The following NAV2 variants were observed in gnomAD, a reference collection of about 807,000 sequenced individuals.
NAV2 encodes the protein neuron navigator 2, also known as helicase, APC down-regulated 1.
A neutral mutation model predicts 223.2 loss-of-function variants in NAV2; 54 were observed. The observed-to-expected ratio is 0.24, with a 90% CI of 0.19 to 0.30. The LOEUF (loss-of-function observed/expected upper bound fraction) is 0.30. NAV2 is among the 10% of genes least tolerant of loss of function. The pLI is 1.00. For synonymous variants in NAV2, 1,279 were observed against 1,239.3 expected, an observed-to-expected ratio of 1.03 and a Z score of -0.67; for missense variants, 2,806 against 3,147.5, an observed-to-expected ratio of 0.89 and a Z score of 2.60.
chr11:19,391,152 C>T (rs976353472), intron 1 of NAV2, among the ~76,000 whole-genome samples: 1 of 152,146 alleles, frequency 6.6e-6, no homozygotes, highest in African/African-American at 2.4e-5. Context: ...CTCCTGCTGC[C>T]CCGGTCTCTC....
chr11:19,618,492 A>AGATG (rs72080375), intron 1 of NAV2, among the ~76,000 whole-genome samples: 5,430 of 136,976 alleles, frequency 0.04, 275 homozygotes, highest in African/African-American at 0.13. Context: ...CTGTCTGGAT[A>AGATG]GATGGATGGA....
At chr11:20,092,780 G>A (rs2153686010) in intron 28 of NAV2, among the ~76,000 whole-genome samples, 1 of 152,242 alleles carries the variant, frequency 6.6e-6, no homozygotes, top group South Asian at 2.1e-4. Context: ...ACACAATCTA[G>A]GTTTTCTTTG....
chr11:19,805,515 T>C (rs1291340076), intron 1 of NAV2, among the ~76,000 whole-genome samples: 3 of 152,160 alleles, frequency 2.0e-5, no homozygotes, highest in Non-Finnish European at 2.9e-5. Context: ...TTTGCAGCTG[T>C]CCTCTGGGAG....
chr11:19,628,436 C>T (rs753487364), intron 1 of NAV2, among the ~76,000 whole-genome samples: 7 of 152,330 alleles, frequency 4.6e-5, no homozygotes, highest in African/African-American at 1.7e-4. Flanking sequence ...AGGGCACACT[C>T]GTACAGAGTA....
chr11:19,452,183 C>T (rs956986116), intron 1 of NAV2, among the ~76,000 whole-genome samples: 4 of 151,144 alleles, frequency 2.6e-5, no homozygotes, highest in African/African-American at 9.7e-5. Flanking sequence ...ATTTCCTTTC[C>T]AGTCTTTTCA....
At chr11:19,434,163 A>G (rs939141221) in intron 1 of NAV2, among the ~76,000 whole-genome samples, 1 of 152,234 alleles carries the variant, frequency 6.6e-6, no homozygotes, top group Non-Finnish European at 1.5e-5. Context: ...AGTCTGTTAT[A>G]AGAAACAGAA....
intron 1 of NAV2, among the ~76,000 whole-genome samples, chr11:19,788,209 A>C (rs10833170): frequency 0.37 from 55,866 of 152,094 alleles, 12,442 homozygotes; most frequent in Middle Eastern, 0.52. Flanking sequence ...ATGTTTAGCA[A>C]CGTCCCTGGC....
chr11:19,969,760 G>A (rs1329679609), intron 10 of NAV2, among the ~76,000 whole-genome samples: 1 of 152,000 alleles, frequency 6.6e-6, no homozygotes, highest in Non-Finnish European at 1.5e-5. Context: ...GGTTAACATG[G>A]TGAAACCCCA....
chr11:19,522,080 A>G (rs909437810), intron 1 of NAV2, among the ~76,000 whole-genome samples: 1 of 152,184 alleles, frequency 6.6e-6, no homozygotes, highest in Non-Finnish European at 1.5e-5. Context: ...AAGGCCTGCT[A>G]CATAGAGAGG....
chr11:19,624,882 C>T (rs181131200), intron 1 of NAV2, among the ~76,000 whole-genome samples: 8 of 152,246 alleles, frequency 5.3e-5, no homozygotes, highest in South Asian at 4.2e-4. Context: ...TCTACCTATT[C>T]GGCCATCTTG....
intron 1 of NAV2, among the ~76,000 whole-genome samples, chr11:19,676,438 A>G (rs781396923): frequency 1.3e-5 from 2 of 152,052 alleles, no homozygotes; most frequent in Non-Finnish European, 2.9e-5. Context: ...TGCTTGGTGC[A>G]TGGTAAATAT....
chr11:19,946,708 C>T (rs1479735400), intron 9 of NAV2, among the ~76,000 whole-genome samples, 199 bp downstream of exon 9: 1 of 152,106 alleles, frequency 6.6e-6, no homozygotes, highest in Non-Finnish European at 1.5e-5. Flanking sequence ...ACAGATTTTT[C>T]CCAAAAGCAG....
chr11:20,101,137 A>G lies in NAV2; in HGVS notation c.6382A>G (p.Ile2128Val). 6.2e-7 allele frequency: 1 copy of G among 1,614,134 alleles called. No homozygotes were observed. The highest frequency in any genetic ancestry group is 8.5e-7 in the Non-Finnish European group (1 of 1,179,988). ...REGRELTDGV[I>V]ATFNVDHKSS... The stretch of plus-strand genomic sequence containing the variant: ...GGGACGGGAGTTGACAGACGGGGTT[A>G]TCGCCACCTTTAACGTGGACCATAA... Residue 2128 changes from isoleucine to valine, a missense_variant, in exon 32 of 38, where the codon ATC becomes GTC. Ile to Val is a conservative substitution (Grantham distance 29, BLOSUM62 3). This residue lies in a region of NAV2 where 824 missense variants were observed against 1,069.4 expected (regional missense o/e 0.77). Coordinates refer to ENST00000349880, the MANE Select transcript of NAV2 (RefSeq NM_145117.5).
chr11:19,991,452 T>C (rs2051323797), intron 11 of NAV2, among the ~76,000 whole-genome samples: 1 of 152,158 alleles, frequency 6.6e-6, no homozygotes, highest in African/African-American at 2.4e-5. Flanking sequence ...AATTCTTAGG[T>C]CCTGCAAGCT....
intron 1 of NAV2, among the ~76,000 whole-genome samples, chr11:19,487,539 C>T (rs1004406395): frequency 4.4e-4 from 67 of 152,170 alleles, no homozygotes; most frequent in African/African-American, 1.6e-3. Flanking sequence ...TGACTTGCAT[C>T]CTGCGGAACT....
In NAV2 at chr11:20,003,721, C is replaced by G. The variant is rs567359869; in HGVS notation, c.2768+19474C>G. Among the ~76,000 whole-genome samples, 38 of 152,298 alleles carry G rather than the reference C, an allele frequency of 2.5e-4. No homozygotes were observed. In the East Asian group the frequency reaches 7.0e-3, roughly 28 times the overall value. Reference sequence around the variant, plus strand: ...AGATTCACATCCACCTACCTGCACACCTCCCACTGTTCTGGACAGGCCAGA... The same window carrying G: ...AGATTCACATCCACCTACCTGCACAGCTCCCACTGTTCTGGACAGGCCAGA... On this transcript the variant is annotated intron_variant, in intron 11 of 37. Transcript: ENST00000349880.
intron 36 of NAV2, among the ~76,000 whole-genome samples, chr11:20,111,352 G>C (rs1220213455): frequency 1.3e-5 from 2 of 152,220 alleles, no homozygotes; most frequent in African/African-American, 4.8e-5. Context: ...GTGTCTGTCT[G>C]TCCAGATGTC....
At position 19,411,768 on chromosome 11, in the gene NAV2, A is replaced by G. The variant is rs538961993; in HGVS notation, c.75+60741A>G. Among the ~76,000 whole-genome samples the G allele has an allele frequency of 3.9e-5, 6 of 152,304 alleles. No individual in the cohort carries two copies. In the South Asian group the frequency reaches 1.0e-3, roughly 26 times the overall value. On this transcript the variant is annotated intron_variant, in intron 1 of 37. Coordinates refer to the NAV2 transcript ENST00000360655. Reference sequence around the variant, plus strand: ...GATGGAAGGAGAAGAGAGAGCTTCAATTTGTGAAGCATCTTCACAACTGGC... The same window carrying G: ...GATGGAAGGAGAAGAGAGAGCTTCAGTTTGTGAAGCATCTTCACAACTGGC...
intron 1 of NAV2, among the ~76,000 whole-genome samples, chr11:19,443,220 C>G (rs1851467006): frequency 6.6e-6 from 1 of 152,202 alleles, no homozygotes; most frequent in African/African-American, 2.4e-5. Flanking sequence ...CCTTCATGCC[C>G]TCTATGCCAG....
Sources: gnomAD v4.1 joint callset for allele counts (sites outside exome capture counted in the v4.1 genomes callset) on GRCh38, gnomAD v4.1.1 for gene constraint, gnomAD v4.1.1 regional missense constraint, MANE v1.5 for transcripts, NCBI Gene and HGNC (gene_info 2026-07-23, HGNC 2026-07-21) for gene names.